The following THNSL1 variants were observed in gnomAD, a reference collection of about 807,000 sequenced individuals.
The protein encoded by THNSL1 is threonine synthase like 1.
A neutral mutation model predicts 50.4 loss-of-function variants in THNSL1; 48 were observed. That is an observed-to-expected ratio of 0.95 (90% CI 0.76 to 1.21). The LOEUF is 1.21. Ranked by LOEUF, THNSL1 falls within the 50% of genes most tolerant of loss-of-function variation. The pLI is 0.00. For synonymous variants in THNSL1, 309 were observed against 306.1 expected, an observed-to-expected ratio of 1.01 and a Z score of -0.10; for missense variants, 896 against 871.7, an observed-to-expected ratio of 1.03 and a Z score of -0.35.
chr10:25,025,693 C>T lies in THNSL1; in HGVS notation c.*238C>T. 1 of 469,462 alleles carries T rather than the reference C, an allele frequency of 2.1e-6. No homozygotes were observed. Among genetic ancestry groups the T allele is most frequent in the Non-Finnish European group, 3.9e-6 (1 of 257,396 alleles). The allele number at this position is 469,462 out of a possible 1,614,324, so 29.1% of individuals were successfully genotyped here. On this transcript the variant is annotated 3_prime_UTR_variant, in exon 3 of 3. Coordinates refer to ENST00000376356, the MANE Select transcript of THNSL1 (RefSeq NM_024838.5). ...GGACCTTTGAGCTATCATACTTTTG[C>T]CTTCTGCTCATGAGGGGTGTATCAA...
the THNSL1 span, among the ~76,000 whole-genome samples, chr10:24,994,303 G>A: frequency 9.0e-5 from 12 of 132,964 alleles, no homozygotes; most frequent in African/African-American, 3.4e-4. Context: ...ATTTCTTCTT[G>A]ATGCAACTTA....
chr10:25,011,664 T>C (rs974104611), upstream of THNSL1, among the ~76,000 whole-genome samples: 4 of 152,184 alleles, frequency 2.6e-5, no homozygotes, highest in East Asian at 1.9e-4. Context: ...ATTCAGGATA[T>C]AGGCATGGGC....
chr10:24,968,047 T>C, the THNSL1 span, among the ~76,000 whole-genome samples: 13 of 150,744 alleles, frequency 8.6e-5, no homozygotes, highest in East Asian at 2.5e-3. Context: ...AGGCTGCTGG[T>C]AGTCCTGGCC....
chr10:25,009,254 A>AT, the THNSL1 span, among the ~76,000 whole-genome samples: 4 of 149,996 alleles, frequency 2.7e-5, no homozygotes, highest in East Asian at 1.9e-4. Context: ...TTAGAGTATA[A>AT]TAAAAAAAAA....
In THNSL1 at chr10:25,026,274, C is replaced by T. The variant is rs1463631297; in HGVS notation, c.*819C>T. The T allele has an allele frequency of 2.4e-5, 4 of 166,840 alleles. No individual in the cohort carries two copies. The South Asian group carries it at 8.3e-4, about 35-fold the overall frequency. 10.3% of individuals were successfully genotyped at this position (166,840 alleles called of 1,614,324 possible). ...AATTAAAGATGTACTCTGTCCTTCACTCTCCTTTGGATGTGTACGGTTAGG... is the reference window on the plus strand; with the variant it reads ...AATTAAAGATGTACTCTGTCCTTCATTCTCCTTTGGATGTGTACGGTTAGG... On this transcript the variant is annotated 3_prime_UTR_variant, in exon 3 of 3. Coordinates refer to ENST00000376356, the MANE Select transcript of THNSL1 (RefSeq NM_024838.5).
At chr10:25,016,238 T>C (rs1052499531), upstream of THNSL1, 55 of 1,037,692 alleles carry the variant, frequency 5.3e-5, no homozygotes, top group Admixed American at 2.6e-4. Flanking sequence ...TCTTCCCTCT[T>C]TCTGCAGCGC....
chr10:25,015,952 CCT>C, upstream of THNSL1: 1 of 1,601,868 alleles, frequency 6.2e-7, no homozygotes, highest in Non-Finnish European at 8.5e-7. Flanking sequence ...CCAAATGACT[CCT>C]TAAAAGCTAC....
At chr10:24,952,402 CCG>C in the THNSL1 span, 5 of 1,140,620 alleles carry the variant, frequency 4.4e-6, no homozygotes, top group African/African-American at 7.7e-5. The surrounding 1 kb of genome is among the most constrained non-coding windows in gnomAD (Gnocchi z 5.1). Context: ...GCGATCCCCG[CCG>C]GGAGGGAGAA....
the THNSL1 span, chr10:24,990,337 T>C: frequency 7.1e-6 from 9 of 1,274,630 alleles, no homozygotes; most frequent in Admixed American, 2.3e-4. Context: ...TTTTTAACTG[T>C]AACCCAAAGA....
the THNSL1 span, among the ~76,000 whole-genome samples, chr10:24,968,640 C>G: frequency 6.6e-6 from 1 of 152,212 alleles, no homozygotes; most frequent in African/African-American, 2.4e-5. Context: ...TGCGGCCTTT[C>G]TATCCTTAGC....
chr10:24,991,458 C>T, the THNSL1 span, among the ~76,000 whole-genome samples: 1 of 151,564 alleles, frequency 6.6e-6, no homozygotes, highest in Non-Finnish European at 1.5e-5. Flanking sequence ...GAGAGGAACA[C>T]ATCAATGGAA....
the THNSL1 span, among the ~76,000 whole-genome samples, chr10:24,989,101 A>G: frequency 6.6e-6 from 1 of 152,138 alleles, no homozygotes. Flanking sequence ...GTTCTTTGTC[A>G]TATTCTTATT....
At chr10:24,967,176 G>A in the THNSL1 span, among the ~76,000 whole-genome samples, 1 of 152,036 alleles carries the variant, frequency 6.6e-6, no homozygotes, top group Non-Finnish European at 1.5e-5. Context: ...ATGTGTGTAT[G>A]TGTGTGTGCG....
At position 25,025,026 on chromosome 10, in the gene THNSL1, G is replaced by T; in HGVS notation, c.1803G>T (p.Gln601His). 3 of 1,614,192 alleles carry T rather than the reference G, an allele frequency of 1.9e-6. No individual in the cohort carries two copies. Among genetic ancestry groups the T allele is most frequent in the Non-Finnish European group, 2.5e-6 (3 of 1,180,022 alleles). ...GATTAGAAAGTCAGCATCATTTCCA[G>T]ATAGAAAAGGCTCTAGTTGAGAAAC... ...FNRLESQHHFQIEKALVEKLQ... is the reference protein window; with the variant it reads ...FNRLESQHHFHIEKALVEKLQ... Residue 601 changes from glutamine (Q) to histidine (H), a missense_variant, in exon 3 of 3, where the codon CAG (glutamine) becomes CAT (histidine). Gln to His is a conservative substitution (Grantham distance 24). Coordinates refer to ENST00000376356, the MANE Select transcript of THNSL1 (RefSeq NM_024838.5).
the THNSL1 span, among the ~76,000 whole-genome samples, chr10:24,993,128 T>A: frequency 2.0e-4 from 30 of 151,938 alleles, 1 homozygote; most frequent in South Asian, 6.3e-3. Context: ...ACTCCATCTC[T>A]AAAAAAAATT....
the THNSL1 span, among the ~76,000 whole-genome samples, chr10:24,962,731 T>C: frequency 6.6e-6 from 1 of 152,190 alleles, no homozygotes; most frequent in Non-Finnish European, 1.5e-5. Context: ...TTTCTTGCCT[T>C]AGAACTCACT....
chr10:24,993,217 A>G, the THNSL1 span, among the ~76,000 whole-genome samples: 1 of 152,228 alleles, frequency 6.6e-6, no homozygotes, highest in Non-Finnish European at 1.5e-5. Flanking sequence ...AAAAGCTTCA[A>G]TGATCTGAAA....
At chr10:24,990,527 T>C in the THNSL1 span, 295 of 1,614,146 alleles carry the variant, frequency 1.8e-4, no homozygotes, top group East Asian at 4.1e-3. Context: ...AAGGTTTTCC[T>C]GGATATAACG....
intron 2 of THNSL1, among the ~76,000 whole-genome samples, chr10:25,022,913 G>A (rs1564348830): frequency 6.6e-6 from 1 of 152,056 alleles, no homozygotes; most frequent in African/African-American, 2.4e-5. Context: ...ACAAGTTTCT[G>A]TTTTTTATAG....
Sources: gnomAD v4.1 joint callset for allele counts (sites outside exome capture counted in the v4.1 genomes callset) on GRCh38, gnomAD v4.1.1 for gene constraint, Gnocchi (gnomAD v3.1) non-coding constraint, MANE v1.5 for transcripts, NCBI Gene and HGNC (gene_info 2026-07-23, HGNC 2026-07-21) for gene names.